SLC12A8: variants seen among roughly 807,000 people sequenced by gnomAD.
SLC12A8 encodes the protein solute carrier family 12 member 8, also known as cation-chloride cotransporter 9.
SLC12A8 carries 69 observed loss-of-function variants against 75.6 expected under a neutral mutation model. The observed-to-expected ratio is 0.91, with a 90% CI of 0.75 to 1.11. The LOEUF is 1.11. Among genes scored for constraint, SLC12A8 ranks in the 50% most tolerant of loss-of-function variants. The pLI is 0.00. For synonymous variants in SLC12A8, 365 were observed against 372.8 expected, an observed-to-expected ratio of 0.98 and a Z score of 0.24; for missense variants, 877 against 896.7, an observed-to-expected ratio of 0.98 and a Z score of 0.28.
intron 6 of SLC12A8, among the ~76,000 whole-genome samples, chr3:125,124,908 T>C (rs1933159442): frequency 1.3e-5 from 2 of 152,208 alleles, no homozygotes; most frequent in African/African-American, 4.8e-5. Context: ...ATAGAACAAA[T>C]ACTATTTCCC....
intron 12 of SLC12A8, among the ~76,000 whole-genome samples, chr3:125,089,696 TTTTTTTTTG>T (rs1406810151): frequency 1.5e-5 from 1 of 66,848 alleles, no homozygotes; most frequent in African/African-American, 5.7e-5. Flanking sequence ...CTCTTTTTTT[TTTTTTTTTG>T]TGAGTCGGAG....
At chr3:125,131,003 G>T (rs1351297131) in intron 6 of SLC12A8, among the ~76,000 whole-genome samples, 1 of 152,246 alleles carries the variant, frequency 6.6e-6, no homozygotes, top group Non-Finnish European at 1.5e-5. Context: ...ACTCAGTGGG[G>T]ACACTGCCAG....
intron 1 of SLC12A8, among the ~76,000 whole-genome samples, chr3:125,211,716 G>A (rs915418655): frequency 6.6e-6 from 1 of 152,140 alleles, no homozygotes; most frequent in Admixed American, 6.5e-5. Context: ...AGGACACAGA[G>A]TCACACTCCT....
chr3:125,192,364 T>C (rs966421884), intron 2 of SLC12A8, among the ~76,000 whole-genome samples: 2 of 152,160 alleles, frequency 1.3e-5, no homozygotes, highest in Non-Finnish European at 2.9e-5. Context: ...TTGTAAGATC[T>C]GTGCTTTTCC....
chr3:125,104,144 C>T (rs552168903), intron 10 of SLC12A8, among the ~76,000 whole-genome samples: 23 of 151,904 alleles, frequency 1.5e-4, no homozygotes, highest in Admixed American at 3.3e-4. Flanking sequence ...CTTGCTCTGT[C>T]GCCCAGGCTG....
chr3:125,111,616 C>T (rs80133702), intron 8 of SLC12A8, among the ~76,000 whole-genome samples: 5,320 of 152,200 alleles, frequency 0.035, 260 homozygotes, highest in South Asian at 0.095. Context: ...CACTTACACC[C>T]TTCTTGATGA....
At chr3:125,124,595 G>A (rs1299028147) in intron 6 of SLC12A8, among the ~76,000 whole-genome samples, 2 of 152,142 alleles carry the variant, frequency 1.3e-5, no homozygotes, top group Non-Finnish European at 2.9e-5. Context: ...CAAAGTGCTG[G>A]GATTACAGGC....
intron 2 of SLC12A8, among the ~76,000 whole-genome samples, chr3:125,208,866 A>C (rs6789711): frequency 0.075 from 11,309 of 151,160 alleles, 1,219 homozygotes; most frequent in African/African-American, 0.24. Context: ...CCAAACCAAG[A>C]GTCCATTCAT....
chr3:125,120,209 C>T (rs941853043), intron 7 of SLC12A8, among the ~76,000 whole-genome samples: 3 of 151,888 alleles, frequency 2.0e-5, no homozygotes, highest in Non-Finnish European at 2.9e-5. Flanking sequence ...GAGATGCAGC[C>T]CCAATTCGTC....
At chr3:125,130,718 C>A (rs1366902422) in intron 6 of SLC12A8, among the ~76,000 whole-genome samples, 15 of 152,224 alleles carry the variant, frequency 9.9e-5, no homozygotes, top group African/African-American at 3.6e-4. Flanking sequence ...GTGGCACCTT[C>A]AAGCCTCAGG....
At chr3:125,193,663 T>C (rs1327333408) in intron 2 of SLC12A8, among the ~76,000 whole-genome samples, 1 of 152,210 alleles carries the variant, frequency 6.6e-6, no homozygotes, top group African/African-American at 2.4e-5. Context: ...CCCGTCCACA[T>C]ACACACAAAG....
Position 125,187,403 on chromosome 3 carries a change from A to G in SLC12A8, c.224T>C (p.Met75Thr). 6.2e-7 allele frequency: 1 copy of G among 1,614,178 alleles called. No individual in the cohort carries two copies. The highest frequency in any genetic ancestry group is 8.5e-7 in the Non-Finnish European group (1 of 1,180,020). ...CAGGATGACGAAGGACACCAGGAAC[A>G]TGCCCAGGAGCACTCCTGTGTTTCC... ...LVGNTGVLLG[M>T]FLVSFVILVA... The change falls in exon 4 of 14, where the codon ATG becomes ACG. Residue 75 changes from methionine (M) to threonine (T), a missense_variant. By Grantham distance (81) the Met-to-Thr change is moderately conservative. Coordinates refer to ENST00000469902, the MANE Select transcript of SLC12A8 (RefSeq NM_024628.6).
chr3:125,091,582 A>G, intron 11 of SLC12A8, 26 bp from the exon 12 acceptor site: 1 of 1,489,906 alleles, frequency 6.7e-7, no homozygotes, highest in Non-Finnish European at 9.4e-7. Context: ...AGGAAGAGCA[A>G]ATCACCTAAT....
intron 2 of SLC12A8, among the ~76,000 whole-genome samples, chr3:125,196,278 C>T (rs1055447868): frequency 6.6e-6 from 1 of 152,236 alleles, no homozygotes; most frequent in South Asian, 2.1e-4. Flanking sequence ...GGAAAAAGAA[C>T]TAACCAGAGT....
chr3:125,187,562 A>G, intron 3 of SLC12A8, 134 bp from the exon 4 acceptor site: 2 of 764,912 alleles, frequency 2.6e-6, no homozygotes, highest in Non-Finnish European at 4.3e-6. Flanking sequence ...CAGAGTCAGG[A>G]CAACTAAAAA....
intron 2 of SLC12A8, among the ~76,000 whole-genome samples, chr3:125,193,401 C>G (rs1462777612): frequency 6.6e-6 from 1 of 152,164 alleles, no homozygotes; most frequent in East Asian, 1.9e-4. Flanking sequence ...TGTGTGTCCC[C>G]GCTCTTCTCA....
chr3:125,196,636 A>T (rs1935013293), intron 2 of SLC12A8, among the ~76,000 whole-genome samples: 1 of 152,196 alleles, frequency 6.6e-6, no homozygotes, highest in Non-Finnish European at 1.5e-5. Context: ...GCCCACTTAA[A>T]GTGTCTATAA....
At chr3:125,193,295 G>C (rs781423046) in intron 2 of SLC12A8, among the ~76,000 whole-genome samples, 1 of 152,192 alleles carries the variant, frequency 6.6e-6, no homozygotes, top group Non-Finnish European at 1.5e-5. Flanking sequence ...ACTTGAACCT[G>C]GGAGGCTGAG....
At chr3:125,134,001 GA>G (rs1277560522) in intron 6 of SLC12A8, among the ~76,000 whole-genome samples, 1 of 152,086 alleles carries the variant, frequency 6.6e-6, no homozygotes, top group Non-Finnish European at 1.5e-5. Context: ...CATATAAATG[GA>G]AATTTATACA....
Sources: allele counts gnomAD v4.1 joint callset (sites outside exome capture counted in the v4.1 genomes callset), GRCh38; gene constraint gnomAD v4.1.1; transcripts MANE v1.5; gene names NCBI Gene and HGNC (gene_info 2026-07-23, HGNC 2026-07-21).